Variants in SPACA7 observed in about 807,000 individuals in gnomAD.
SPACA7 encodes sperm acrosome-associated protein 7.
In SPACA7, 19 loss-of-function variants were observed where a neutral mutation model predicts 26.3. The ratio of observed to expected loss-of-function variants is 0.72; its 90% CI spans 0.50 to 1.06. SPACA7 has a LOEUF of 1.06. Ranked by LOEUF, SPACA7 falls within the 50% of genes least tolerant of loss-of-function variation. The pLI is 0.00. For missense variants in SPACA7, 211 were observed against 229.9 expected (o/e 0.92, Z 0.53); for synonymous variants, 84 against 84.5 (o/e 0.99, Z 0.04).
At chr13:112,391,502 C>G (rs1884886187) in intron 1 of SPACA7, among the ~76,000 whole-genome samples, 1 of 152,178 alleles carries the variant, frequency 6.6e-6, no homozygotes, top group Non-Finnish European at 1.5e-5. Flanking sequence ...CACAGGGAAC[C>G]CTTTCACGGA....
At chr13:112,402,722 G>C (rs1885725620) in intron 5 of SPACA7, among the ~76,000 whole-genome samples, 1 of 152,090 alleles carries the variant, frequency 6.6e-6, no homozygotes, top group South Asian at 2.1e-4. Flanking sequence ...TTTATGTTTT[G>C]TCAAAGTCTT....
intron 5 of SPACA7, among the ~76,000 whole-genome samples, chr13:112,413,515 C>G (rs916107803): frequency 6.6e-6 from 1 of 151,912 alleles, no homozygotes; most frequent in African/African-American, 2.4e-5. Context: ...ATAATCCTTT[C>G]TTTGTCCTTT....
chr13:112,410,237 G>A (rs1886260035), intron 5 of SPACA7, among the ~76,000 whole-genome samples: 1 of 151,926 alleles, frequency 6.6e-6, no homozygotes, highest in South Asian at 2.1e-4. Context: ...GATGGGGGAG[G>A]GATAGCATTA....
chr13:112,391,817 T>A (rs1171966867), intron 1 of SPACA7, among the ~76,000 whole-genome samples: 34 of 152,216 alleles, frequency 2.2e-4, no homozygotes, highest in Admixed American at 2.2e-3. Context: ...TTCTTAATGA[T>A]CATTAATGTC....
chr13:112,429,330 G>T lies in SPACA7; in HGVS notation c.446-3114G>T, dbSNP rs1216143958. ...GGTCATGACTGCAGTGAGCCAAGAT[G>T]GTGCCACTGCACTCCAGCCTGGGTA... On this transcript the variant is annotated intron_variant, in intron 5 of 6. Coordinates refer to ENST00000283550, the MANE Select transcript of SPACA7 (RefSeq NM_145248.5). Among the ~76,000 whole-genome samples, 3 of 151,320 alleles carry T rather than the reference G, an allele frequency of 2.0e-5. No homozygotes were observed. The East Asian group carries it at 5.8e-4, about 29-fold the overall frequency.
intron 5 of SPACA7, among the ~76,000 whole-genome samples, chr13:112,430,948 G>A (rs1877064605): frequency 6.6e-6 from 1 of 152,214 alleles, no homozygotes; most frequent in Admixed American, 6.5e-5. Context: ...AAAACTCTGT[G>A]TGAAATCATT....
chr13:112,399,834 G>T (rs568211490), intron 4 of SPACA7, among the ~76,000 whole-genome samples: 1 of 152,270 alleles, frequency 6.6e-6, no homozygotes, highest in East Asian at 1.9e-4. Flanking sequence ...AGGCATGGCT[G>T]GGAGCCCTCA....
chr13:112,406,177 T>TCAC (rs1396199644), intron 5 of SPACA7, among the ~76,000 whole-genome samples: 1 of 152,196 alleles, frequency 6.6e-6, no homozygotes, highest in East Asian at 1.9e-4. Context: ...TGTCTAACCA[T>TCAC]CACCACCATG....
chr13:112,394,293 C>T (rs1207601368), intron 2 of SPACA7, among the ~76,000 whole-genome samples: 1 of 151,974 alleles, frequency 6.6e-6, no homozygotes, highest in Non-Finnish European at 1.5e-5. Flanking sequence ...CACATCGATG[C>T]CCTTGGGAAA....
At chr13:112,431,419 C>A (rs922004374) in intron 5 of SPACA7, among the ~76,000 whole-genome samples, 1 of 152,174 alleles carries the variant, frequency 6.6e-6, no homozygotes, top group Non-Finnish European at 1.5e-5. Flanking sequence ...GCCTAAACTT[C>A]AGTTTAAGAC....
chr13:112,434,554 G>T lies in SPACA7; in HGVS notation c.*5G>T. Reference sequence around the variant, plus strand: ...AGGAGCCAAGGCAGTCAGTGAGGCCGCAGCCCCAGACCCCCTGCGCAGGAG... The same window carrying T: ...AGGAGCCAAGGCAGTCAGTGAGGCCTCAGCCCCAGACCCCCTGCGCAGGAG... On this transcript the variant is annotated 3_prime_UTR_variant, in exon 7 of 7. Transcript: ENST00000283550. The T allele has an allele frequency of 6.2e-7, 1 of 1,601,078 alleles. No homozygotes were observed. Among genetic ancestry groups the T allele is most frequent in the Non-Finnish European group, 8.5e-7 (1 of 1,174,316 alleles).
intron 1 of SPACA7, among the ~76,000 whole-genome samples, chr13:112,380,427 A>C (rs920799164): frequency 6.0e-5 from 9 of 150,650 alleles, no homozygotes; most frequent in South Asian, 4.2e-4. Context: ...AAAAAAAAAA[A>C]CCAGACCAAT....
chr13:112,411,514 G>A (rs899110289), intron 5 of SPACA7, among the ~76,000 whole-genome samples: 4 of 151,954 alleles, frequency 2.6e-5, no homozygotes, highest in African/African-American at 4.8e-5. Context: ...TCACCCTACC[G>A]TGCTGCCAAA....
At chr13:112,418,882 G>T (rs186845607) in intron 5 of SPACA7, among the ~76,000 whole-genome samples, 1 of 152,058 alleles carries the variant, frequency 6.6e-6, no homozygotes, top group Non-Finnish European at 1.5e-5. Flanking sequence ...GTCTAGCCAG[G>T]TGCAGTGGTG....
chr13:112,414,314 TTATTG>T (rs1259632113), intron 5 of SPACA7, among the ~76,000 whole-genome samples: 12 of 151,592 alleles, frequency 7.9e-5, no homozygotes, highest in Admixed American at 1.3e-4. Context: ...CCAGGATTTA[TTATTG>T]TTATTATTGT....
chr13:112,381,134 C>T (rs577429508), intron 1 of SPACA7, among the ~76,000 whole-genome samples: 6 of 152,236 alleles, frequency 3.9e-5, no homozygotes, highest in Admixed American at 2.6e-4. Context: ...TCTTGTTTTA[C>T]TTAACTGATC....
At chr13:112,428,959 C>G in intron 5 of SPACA7, among the ~76,000 whole-genome samples, 1 of 152,130 alleles carries the variant, frequency 6.6e-6, no homozygotes, top group East Asian at 1.9e-4. Flanking sequence ...AATCTCAAAC[C>G]ATAATTGTGG....
intron 3 of SPACA7, 81 bp from the exon 4 acceptor site, chr13:112,398,985 A>C: frequency 1.2e-6 from 1 of 829,508 alleles, no homozygotes; most frequent in East Asian, 2.5e-5. Context: ...TATATTGTAA[A>C]ATAAAGCATG....
rs545570969 is a variant in SPACA7 at position 112,396,175 on chromosome 13, G to T, written c.152-1874G>T. On this transcript the variant is annotated intron_variant, in intron 2 of 6. Transcript: ENST00000283550. ...GAGGCCACTCCCGGCTTCGGGCATG[G>T]AGTGGACTGGGTCACACTGGGACAG... Among the ~76,000 whole-genome samples, 3 of 149,152 alleles carry T rather than the reference G, an allele frequency of 2.0e-5. No individual in the cohort carries two copies. The South Asian group carries it at 6.5e-4, about 32-fold the overall frequency.
Sources: gnomAD v4.1 joint callset for allele counts (sites outside exome capture counted in the v4.1 genomes callset) on GRCh38, gnomAD v4.1.1 for gene constraint, MANE v1.5 for transcripts, NCBI Gene and HGNC (gene_info 2026-07-23, HGNC 2026-07-21) for gene names.